TXLNB: variants seen among roughly 807,000 people sequenced by gnomAD.
TXLNB encodes taxilin beta.
TXLNB carries 37 observed loss-of-function variants against 57.4 expected under a neutral mutation model. The ratio of observed to expected loss-of-function variants is 0.64; its 90% confidence interval spans 0.50 to 0.85. The LOEUF (loss-of-function observed/expected upper bound fraction) is 0.85, where lower values mean the gene tolerates loss of function less well. Ranked by LOEUF, TXLNB falls within the 40% of genes least tolerant of loss-of-function variation. TXLNB has a pLI of 0.00. For missense variants in TXLNB, 848 were observed against 825.6 expected (o/e 1.03, Z -0.33); for synonymous variants, 302 against 309.6 (o/e 0.98, Z 0.26).
At chr6:139,323,223 T>C in the TXLNB span, among the ~76,000 whole-genome samples, 1 of 152,088 alleles carries the variant, frequency 6.6e-6, no homozygotes, top group Admixed American at 6.5e-5. Context: ...TGGGCTCTTT[T>C]GTTTGCAAGA....
the TXLNB span, among the ~76,000 whole-genome samples, chr6:139,171,276 A>G: frequency 1.3e-5 from 2 of 152,228 alleles, no homozygotes; most frequent in African/African-American, 4.8e-5. Context: ...CCAAATCTTG[A>G]GAGTACCTTT....
intron 7 of TXLNB, among the ~76,000 whole-genome samples, chr6:139,253,423 C>T (rs553776221): frequency 1.4e-4 from 21 of 152,248 alleles, no homozygotes; most frequent in Non-Finnish European, 2.1e-4. Context: ...GTTTTGGAAA[C>T]GCTGAAAAGT....
chr6:139,292,462 C>T (rs1777322970), upstream of TXLNB, among the ~76,000 whole-genome samples: 1 of 152,028 alleles, frequency 6.6e-6, no homozygotes, highest in African/African-American at 2.4e-5. This position sits in a 1 kb window ranked among gnomAD's most constrained non-coding sequence, Gnocchi z 4.0. Context: ...TGTCAGGTTT[C>T]TTACAGGAAT....
the TXLNB span, among the ~76,000 whole-genome samples, chr6:139,211,506 T>C: frequency 6.6e-6 from 1 of 151,766 alleles, no homozygotes; most frequent in Admixed American, 6.6e-5. Flanking sequence ...AGACCAAAGG[T>C]AGATAAAACC....
At chr6:139,168,841 T>G in the TXLNB span, among the ~76,000 whole-genome samples, 1 of 152,264 alleles carries the variant, frequency 6.6e-6, no homozygotes, top group African/African-American at 2.4e-5. Context: ...TTTAGCTGGC[T>G]GTAGTCTTCT....
At chr6:139,215,628 G>T in the TXLNB span, among the ~76,000 whole-genome samples, 4 of 152,114 alleles carry the variant, frequency 2.6e-5, no homozygotes, top group East Asian at 7.7e-4. Flanking sequence ...TGACAAATGG[G>T]ATCTAATTAA....
chr6:139,319,769 AAAAT>A, the TXLNB span, among the ~76,000 whole-genome samples: 1 of 152,156 alleles, frequency 6.6e-6, no homozygotes, highest in African/African-American at 2.4e-5. Flanking sequence ...TGTCTCTAAA[AAAAT>A]AAATAAGTAA....
chr6:139,292,619 G>A (rs1426090384), upstream of TXLNB, among the ~76,000 whole-genome samples: 1 of 152,134 alleles, frequency 6.6e-6, no homozygotes, highest in Non-Finnish European at 1.5e-5. The surrounding 1 kb of genome is among the most constrained non-coding windows in gnomAD (Gnocchi z 4.0). Flanking sequence ...CTTCATGCAC[G>A]TGGTAATTGG....
At chr6:139,166,024 T>TC in the TXLNB span, 1 of 367,256 alleles carries the variant, frequency 2.7e-6, no homozygotes. Flanking sequence ...CCAGCGGCTT[T>TC]CTGGTATTCA....
At chr6:139,225,038 G>GA in the TXLNB span, among the ~76,000 whole-genome samples, 3 of 152,074 alleles carry the variant, frequency 2.0e-5, no homozygotes, top group African/African-American at 7.2e-5. Context: ...CTTGACATTT[G>GA]AAAATCAATC....
the TXLNB span, among the ~76,000 whole-genome samples, chr6:139,312,570 G>T: frequency 2.0e-5 from 3 of 152,162 alleles, no homozygotes; most frequent in Admixed American, 2.0e-4. Context: ...GAACTTAGCT[G>T]CATGATATAG....
intron 4 of TXLNB, among the ~76,000 whole-genome samples, chr6:139,264,360 T>C (rs1776560091): frequency 6.6e-6 from 1 of 152,164 alleles, no homozygotes. Flanking sequence ...TTTGTATTTA[T>C]AAATATTCCA....
chr6:139,306,782 C>T, the TXLNB span, among the ~76,000 whole-genome samples: 1 of 152,184 alleles, frequency 6.6e-6, no homozygotes, highest in African/African-American at 2.4e-5. Context: ...GGGGACCCTA[C>T]TCTGCTCCTG....
At chr6:139,182,739 T>G in the TXLNB span, among the ~76,000 whole-genome samples, 1 of 152,216 alleles carries the variant, frequency 6.6e-6, no homozygotes, top group African/African-American at 2.4e-5. Flanking sequence ...TTAAGGCATA[T>G]TTTTTCTTTA....
At chr6:139,179,603 A>G in the TXLNB span, 1 of 152,226 alleles carries the variant, frequency 6.6e-6, no homozygotes, top group Admixed American at 6.5e-5. Context: ...TGCCTTTAAG[A>G]CGATTCATTC....
At chr6:139,243,501 T>C (rs1019845127) in intron 9 of TXLNB, among the ~76,000 whole-genome samples, 187 bp from the exon 10 acceptor site, 1 of 151,052 alleles carries the variant, frequency 6.6e-6, no homozygotes, top group Admixed American at 6.6e-5. Context: ...CCTTTTTTTT[T>C]TTTTTTTTTG....
chr6:139,174,271 AT>A, the TXLNB span: 1 of 1,238,218 alleles, frequency 8.1e-7, no homozygotes, highest in South Asian at 1.6e-5. Flanking sequence ...TTTTATATTT[AT>A]CCAAATGATA....
the TXLNB span, among the ~76,000 whole-genome samples, chr6:139,315,120 C>A: frequency 6.6e-6 from 1 of 152,138 alleles, no homozygotes; most frequent in East Asian, 1.9e-4. Flanking sequence ...GACTGGTGAT[C>A]TGGCTCAACT....
At chr6:139,252,037 C>G (rs1001202020) in intron 7 of TXLNB, among the ~76,000 whole-genome samples, 3 of 152,014 alleles carry the variant, frequency 2.0e-5, no homozygotes, top group Non-Finnish European at 4.4e-5. Flanking sequence ...AATGAACACT[C>G]GATTTTGTAG....
Sources: allele counts gnomAD v4.1 joint callset (sites outside exome capture counted in the v4.1 genomes callset), GRCh38; gene constraint gnomAD v4.1.1; non-coding constraint Gnocchi (gnomAD v3.1); transcripts MANE v1.5; gene names NCBI Gene and HGNC (gene_info 2026-07-23, HGNC 2026-07-21).